Variants in SLC8A2 observed in about 807,000 individuals in gnomAD.
The protein encoded by SLC8A2 is solute carrier family 8 member A2, also known as sodium/calcium exchanger 2.
Under a neutral mutation model 70.2 loss-of-function variants are expected in SLC8A2, and 14 were observed. That is an observed-to-expected ratio of 0.20 (90% CI 0.13 to 0.31). The LOEUF (loss-of-function observed/expected upper bound fraction) is 0.31, where lower values mean the gene tolerates loss of function less well. Ranked by LOEUF, SLC8A2 falls within the 10% of genes least tolerant of loss-of-function variation. The probability of loss-of-function intolerance (pLI) is 1.00; values close to 1 mark genes in which losing one functional copy is unlikely to be tolerated. For synonymous variants in SLC8A2, 575 were observed against 594.3 expected (o/e 0.97, Z 0.47); for missense variants, 779 against 1,320.1 (o/e 0.59, Z 6.35).
rs1447126584 is a variant in SLC8A2 at position 47,471,875 on chromosome 19, G to A, written c.-103C>T. On this transcript the variant is annotated 5_prime_UTR_variant, in exon 1 of 10. Coordinates refer to ENST00000236877, the MANE Select transcript of SLC8A2 (RefSeq NM_015063.3). The stretch of plus-strand genomic sequence containing the variant: ...CCCGAAAGAGAGAGAGAGATTGAGA[G>A]AGAGAAAAGCCTGAGACTGAGAGGG... 1 of 150,414 alleles carries A rather than the reference G, an allele frequency of 6.6e-6. No homozygotes were observed. Among genetic ancestry groups the A allele is most frequent in the Non-Finnish European group, 1.5e-5 (1 of 67,808 alleles). The allele number at this position is 150,414 out of a possible 1,614,324, so 9.3% of individuals were successfully genotyped here.
At position 47,448,265 on chromosome 19, in the gene SLC8A2, G is replaced by A. The variant is rs2122631294; in HGVS notation, c.1341-34C>T. The stretch of plus-strand genomic sequence containing the variant: ...GGGTGGGGAGGGGGAAGAGCGGGGT[G>A]AGGGTCGGTCATCGGCTGTGTGTTG... On this transcript the variant is annotated intron_variant, in intron 3 of 9. Transcript: ENST00000236877. This position sits in a 1 kb window ranked among gnomAD's most constrained non-coding sequence, Gnocchi z 4.8. 6.5e-6 allele frequency: 10 copies of A among 1,542,500 alleles called. No homozygotes were observed. The East Asian group carries it at 2.3e-4, about 35-fold the overall frequency.
chr19:47,467,658 A>C (rs1008069260), intron 1 of SLC8A2, among the ~76,000 whole-genome samples: 17 of 151,810 alleles, frequency 1.1e-4, no homozygotes, highest in African/African-American at 3.6e-4. Context: ...TCTGGTGCTG[A>C]GTTTGAGTGG....
In SLC8A2 at chr19:47,428,774, T is replaced by C. The variant is rs1966910099; in HGVS notation, c.*1315A>G. On this transcript the variant is annotated 3_prime_UTR_variant, in exon 10 of 10. Coordinates refer to ENST00000236877, the MANE Select transcript of SLC8A2 (RefSeq NM_015063.3). ...AGGGTAGTGGGTAACGGGTCTGGGA[T>C]GTTGGGGCTGAGCACAACAGGACGA... 1.3e-5 allele frequency: 2 copies of C among 152,550 alleles called. No homozygotes were observed. Among genetic ancestry groups the C allele is most frequent in the Admixed American group, 1.3e-4 (2 of 15,264 alleles). The allele number at this position is 152,550 out of a possible 1,614,324, so 9.4% of individuals were successfully genotyped here. A position where few individuals can be genotyped will look rare whatever the true frequency, so the allele number is the denominator to read the frequency against.
chr19:47,467,673 T>C (rs1372660695), intron 1 of SLC8A2, among the ~76,000 whole-genome samples: 2 of 151,974 alleles, frequency 1.3e-5, no homozygotes, highest in East Asian at 3.9e-4. Flanking sequence ...GAGTGGCTAT[T>C]ACCGTGTCTT....
At chr19:47,467,262 A>C (rs1469673026) in intron 1 of SLC8A2, among the ~76,000 whole-genome samples, 1 of 152,202 alleles carries the variant, frequency 6.6e-6, no homozygotes, top group African/African-American at 2.4e-5. Context: ...GGCTGAATGA[A>C]GCCAAGCACA....
chr19:47,459,363 T>A (rs1967359646), intron 2 of SLC8A2, among the ~76,000 whole-genome samples: 1 of 152,088 alleles, frequency 6.6e-6, no homozygotes, highest in Admixed American at 6.6e-5. Context: ...GTTGCCTCGG[T>A]CTCCTTGGCT....
At chr19:47,436,936 A>G (rs830159) in intron 8 of SLC8A2, among the ~76,000 whole-genome samples, 15,516 of 151,982 alleles carry the variant, frequency 0.1, 861 homozygotes, top group Middle Eastern at 0.16. Flanking sequence ...GGGTGGCCAC[A>G]CCATTTAATC....
At chr19:47,458,741 CCCTT>C (rs1005955322) in intron 2 of SLC8A2, among the ~76,000 whole-genome samples, 2 of 151,706 alleles carry the variant, frequency 1.3e-5, no homozygotes, top group African/African-American at 4.8e-5. Context: ...CCATCTCCCT[CCCTT>C]GTGAGTTTCT....
At chr19:47,462,115 C>T (rs1021610875) in intron 2 of SLC8A2, among the ~76,000 whole-genome samples, 1 of 151,914 alleles carries the variant, frequency 6.6e-6, no homozygotes. Flanking sequence ...CTTATCCGCA[C>T]GGGACAGTCC....
In SLC8A2 at chr19:47,464,956, C is replaced by T. The variant is rs150184412; in HGVS notation, c.675+773G>A. Among the ~76,000 whole-genome samples the T allele has an allele frequency of 5.6e-3, 854 of 152,232 alleles. 11 individuals are homozygous for T. The highest frequency in any genetic ancestry group is 0.019 in the African/African-American group (807 of 41,516). On this transcript the variant is annotated intron_variant, in intron 2 of 9. Coordinates refer to ENST00000236877, the MANE Select transcript of SLC8A2 (RefSeq NM_015063.3). The stretch of plus-strand genomic sequence containing the variant: ...AGGTATAAATTATGCAGCTGTGGGT[C>T]TAAATTTTGTCTCACTATTGGAATA...
intron 8 of SLC8A2, among the ~76,000 whole-genome samples, chr19:47,433,944 G>A (rs1029022193): frequency 6.6e-6 from 1 of 152,180 alleles, no homozygotes; most frequent in Non-Finnish European, 1.5e-5. Context: ...GTGCCCAGCC[G>A]ACCTGCAGTG....
chr19:47,465,586 C>G lies in SLC8A2; in HGVS notation c.675+143G>C. On this transcript the variant is annotated intron_variant, in intron 2 of 9. Coordinates refer to ENST00000236877, the MANE Select transcript of SLC8A2 (RefSeq NM_015063.3). The surrounding 1 kb of genome is among the most constrained non-coding windows in gnomAD (Gnocchi z 5.5). Reference sequence around the variant, plus strand: ...TCAATTCCCTTGTGTAGTCTGGTGACCTGCACAACCGTACTTGGCAGCCCT... The same window carrying G: ...TCAATTCCCTTGTGTAGTCTGGTGAGCTGCACAACCGTACTTGGCAGCCCT... 1.3e-6 allele frequency: 1 copy of G among 741,638 alleles called. No individual in the cohort carries two copies. The highest frequency in any genetic ancestry group is 2.2e-6 in the Non-Finnish European group (1 of 462,138). 45.9% of individuals were successfully genotyped at this position (741,638 alleles called of 1,614,324 possible).
Position 47,447,383 on chromosome 19 carries a change from C to T in SLC8A2, c.1763+426G>A. The T allele has an allele frequency of 4.2e-6, 1 of 236,588 alleles. No individual in the cohort carries two copies. The highest frequency in any genetic ancestry group is 5.3e-5 in the South Asian group (1 of 19,000). 14.7% of individuals were successfully genotyped at this position (236,588 alleles called of 1,614,324 possible). A position where few individuals can be genotyped will look rare whatever the true frequency, so the allele number is the denominator to read the frequency against. On this transcript the variant is annotated intron_variant, in intron 4 of 9. Transcript: ENST00000236877. This position sits in a 1 kb window ranked among gnomAD's most constrained non-coding sequence, Gnocchi z 5.1. ...CCACACCGCTCTCCCCAGGCCCCGTCCCATCTCTCCTCACCTCGTCCCCCC... is the reference window on the plus strand; with the variant it reads ...CCACACCGCTCTCCCCAGGCCCCGTTCCATCTCTCCTCACCTCGTCCCCCC...
intron 4 of SLC8A2, among the ~76,000 whole-genome samples, chr19:47,445,396 ACCGTGCC>A (rs1967148608): frequency 1.3e-5 from 2 of 152,134 alleles, no homozygotes; most frequent in South Asian, 4.2e-4. Context: ...GGCATGAGCC[ACCGTGCC>A]CGACCTCTAA....
At chr19:47,434,612 C>A (rs1171965422) in intron 8 of SLC8A2, among the ~76,000 whole-genome samples, 1 of 151,966 alleles carries the variant, frequency 6.6e-6, no homozygotes, top group African/African-American at 2.4e-5. Context: ...TTTTTTGGTG[C>A]CTGGGGGAAA....
Position 47,457,058 on chromosome 19 carries a change from G to A in SLC8A2, c.1212C>T (p.His404=). 1 of 1,602,700 alleles carries A rather than the reference G, an allele frequency of 6.2e-7. No homozygotes were observed. Among genetic ancestry groups the A allele is most frequent in the African/African-American group, 1.3e-5 (1 of 74,842 alleles). Residue 404 remains histidine, a synonymous_variant, in exon 3 of 10, where the codon CAC becomes CAT. Coordinates refer to ENST00000236877, the MANE Select transcript of SLC8A2 (RefSeq NM_015063.3). The part of the protein sequence containing the change: ...SRIFFEPSLY[H]CLENCGSVLL... Reference sequence around the variant, plus strand: ...GCACGGAGCCGCAGTTCTCCAGGCAGTGGTAGAGGCTAGGCTCGAAGAAGA... The same window carrying A: ...GCACGGAGCCGCAGTTCTCCAGGCAATGGTAGAGGCTAGGCTCGAAGAAGA...
chr19:47,462,678 C>G (rs1263156528), intron 2 of SLC8A2, among the ~76,000 whole-genome samples: 1 of 151,348 alleles, frequency 6.6e-6, no homozygotes, highest in African/African-American at 2.4e-5. Context: ...AACTTCACCT[C>G]CCAGGTTCAA....
At chr19:47,435,463 A>G (rs1967015408) in intron 8 of SLC8A2, among the ~76,000 whole-genome samples, 1 of 151,790 alleles carries the variant, frequency 6.6e-6, no homozygotes, top group African/African-American at 2.4e-5. Flanking sequence ...CGAAGCTCAA[A>G]GAGCCCCTTG....
intron 8 of SLC8A2, 105 bp downstream of exon 8, chr19:47,437,357 C>A: frequency 1.2e-6 from 1 of 863,620 alleles, no homozygotes; most frequent in Non-Finnish European, 1.9e-6. Context: ...GCCACCGCGC[C>A]CGGCCTGTTT....
Sources: allele counts gnomAD v4.1 joint callset (sites outside exome capture counted in the v4.1 genomes callset), GRCh38; gene constraint gnomAD v4.1.1; non-coding constraint Gnocchi (gnomAD v3.1); transcripts MANE v1.5; gene names NCBI Gene and HGNC (gene_info 2026-07-23, HGNC 2026-07-21).